TRPC4: variants seen among roughly 807,000 people sequenced by gnomAD.
TRPC4 encodes the protein short transient receptor potential channel 4.
Under a neutral mutation model 99.4 loss-of-function variants are expected in TRPC4, and 49 were observed. The observed-to-expected ratio is 0.49, with a 90% CI of 0.39 to 0.63. The LOEUF (loss-of-function observed/expected upper bound fraction) is 0.63, where lower values mean the gene tolerates loss of function less well. TRPC4 is among the 20% of genes least tolerant of loss of function. The probability of loss-of-function intolerance (pLI) is 0.00; values close to 1 mark genes in which losing one functional copy is unlikely to be tolerated. For synonymous variants in TRPC4, 454 were observed against 425.9 expected (o/e 1.07, Z -0.81); for missense variants, 898 against 1,152.9 (o/e 0.78, Z 3.20).
intron 2 of TRPC4, among the ~76,000 whole-genome samples, chr13:37,776,025 G>A (rs1956691805): frequency 6.6e-6 from 1 of 151,770 alleles, no homozygotes; most frequent in Admixed American, 6.6e-5. Flanking sequence ...TAGCCAAGTA[G>A]CTTAAACCAC....
chr13:37,762,439 T>G (rs1956247809), intron 2 of TRPC4, among the ~76,000 whole-genome samples: 1 of 151,560 alleles, frequency 6.6e-6, no homozygotes, highest in Admixed American at 6.6e-5. Context: ...GCGGCACTAT[T>G]CACAATAGCG....
At chr13:37,777,093 C>T (rs1317911071) in intron 2 of TRPC4, among the ~76,000 whole-genome samples, 1 of 151,856 alleles carries the variant, frequency 6.6e-6, no homozygotes, top group Non-Finnish European at 1.5e-5. Context: ...AAAAAAATCT[C>T]CTATATGCAC....
intron 2 of TRPC4, among the ~76,000 whole-genome samples, chr13:37,768,661 C>T (rs908536205): frequency 1.6e-4 from 12 of 76,818 alleles, no homozygotes; most frequent in African/African-American, 4.8e-4. Flanking sequence ...TACACACATA[C>T]GAACACACAC....
chr13:37,644,289 C>A (rs988904549), intron 8 of TRPC4, among the ~76,000 whole-genome samples: 3 of 151,884 alleles, frequency 2.0e-5, no homozygotes, highest in African/African-American at 7.3e-5. Flanking sequence ...CTGGAAATGA[C>A]CGAGAACAGG....
At chr13:37,812,546 T>G (rs1183824200) in intron 1 of TRPC4, among the ~76,000 whole-genome samples, 2 of 151,996 alleles carry the variant, frequency 1.3e-5, no homozygotes, top group Non-Finnish European at 2.9e-5. Context: ...CCAAAAAGAT[T>G]ACTGAGCCTA....
intron 1 of TRPC4, among the ~76,000 whole-genome samples, chr13:37,811,216 T>C (rs530249340): frequency 3.3e-5 from 5 of 152,244 alleles, no homozygotes; most frequent in Admixed American, 3.3e-4. Context: ...AATAACAAAA[T>C]TGGCAACATA....
chr13:37,768,365 C>G (rs1956445889), intron 2 of TRPC4, among the ~76,000 whole-genome samples: 1 of 151,422 alleles, frequency 6.6e-6, no homozygotes. Flanking sequence ...CGCGGAGAGC[C>G]ATGTTACCAT....
chr13:37,665,537 G>T (rs1456040792), intron 5 of TRPC4, among the ~76,000 whole-genome samples: 1 of 152,132 alleles, frequency 6.6e-6, no homozygotes, highest in African/African-American at 2.4e-5. Flanking sequence ...ATAGCCCGGT[G>T]AGGCAGACAG....
chr13:37,700,281 G>A (rs755953299), intron 3 of TRPC4, among the ~76,000 whole-genome samples: 1 of 152,216 alleles, frequency 6.6e-6, no homozygotes, highest in South Asian at 2.1e-4. Context: ...TTTGAATCAT[G>A]TAGGTGAGTA....
chr13:37,742,790 G>A (rs186482436), intron 3 of TRPC4, among the ~76,000 whole-genome samples: 4 of 152,186 alleles, frequency 2.6e-5, no homozygotes, highest in East Asian at 3.9e-4. Flanking sequence ...TTTCTTTAAG[G>A]CACATGATCT....
intron 1 of TRPC4, among the ~76,000 whole-genome samples, chr13:37,868,882 G>C (rs1959959285): frequency 6.6e-6 from 1 of 152,050 alleles, no homozygotes; most frequent in African/African-American, 2.4e-5. Context: ...GTATTCTCTT[G>C]TCTCTAGTCG....
chr13:37,834,526 A>G (rs1239751283), intron 1 of TRPC4, among the ~76,000 whole-genome samples: 1 of 152,198 alleles, frequency 6.6e-6, no homozygotes, highest in African/African-American at 2.4e-5. Context: ...TCACATTGAA[A>G]AAGATTACTT....
chr13:37,716,245 T>C (rs1378943157), intron 3 of TRPC4, among the ~76,000 whole-genome samples: 1 of 152,106 alleles, frequency 6.6e-6, no homozygotes, highest in Non-Finnish European at 1.5e-5. Context: ...ACCTTACCCT[T>C]CAAGGTACAA....
At chr13:37,823,587 T>C (rs1213351134) in intron 1 of TRPC4, among the ~76,000 whole-genome samples, 5 of 152,000 alleles carry the variant, frequency 3.3e-5, no homozygotes, top group Admixed American at 6.6e-5. Context: ...CTTGTAGATA[T>C]GTGGCGTTAT....
intron 3 of TRPC4, 122 bp downstream of exon 3, chr13:37,745,815 T>G: frequency 9.7e-7 from 1 of 1,027,962 alleles, no homozygotes. Flanking sequence ...ACAATAAATG[T>G]CATCCACTTA....
intron 3 of TRPC4, among the ~76,000 whole-genome samples, chr13:37,745,302 A>C (rs1955706610): frequency 6.6e-6 from 1 of 151,470 alleles, no homozygotes; most frequent in African/African-American, 2.4e-5. Flanking sequence ...GGACCCATGG[A>C]TAGGAAAAAA....
intron 2 of TRPC4, among the ~76,000 whole-genome samples, chr13:37,775,415 T>A (rs976884808): frequency 5.9e-5 from 9 of 151,356 alleles, no homozygotes; most frequent in Non-Finnish European, 1.0e-4. Context: ...TGTTTTTTTT[T>A]AATTTCCAAC....
intron 1 of TRPC4, among the ~76,000 whole-genome samples, chr13:37,866,346 A>C (rs77410685): frequency 6.6e-6 from 1 of 151,782 alleles, no homozygotes; most frequent in Non-Finnish European, 1.5e-5. Context: ...TATTACATAC[A>C]GTTTAGTTAC....
rs781706314 is a variant in TRPC4, at chr13:37,637,149, G to A, written c.2688C>T (p.Asp896=). ...LESRGLASRG[D]LSIPGLSEQC... ...GTTCACTGAGACCGGGAATGCTCAG[G>A]TCACCCCGTGAAGCTAATCCTCGAG... is the stretch of plus-strand genomic sequence containing the variant. Residue 896 remains aspartate (D), a synonymous_variant, in exon 11 of 11, where the codon GAC becomes GAT. Coordinates refer to ENST00000379705, the MANE Select transcript of TRPC4 (RefSeq NM_016179.4). 4.3e-6 allele frequency: 7 copies of A among 1,613,754 alleles called. No homozygotes were observed. Among genetic ancestry groups the A allele is most frequent in the South Asian group, 2.2e-5 (2 of 91,076 alleles).
Sources: allele counts gnomAD v4.1 joint callset (sites outside exome capture counted in the v4.1 genomes callset), GRCh38; gene constraint gnomAD v4.1.1; transcripts MANE v1.5; gene names NCBI Gene and HGNC (gene_info 2026-07-23, HGNC 2026-07-21).